TMEM135: variants seen among roughly 807,000 people sequenced by gnomAD.
TMEM135 encodes peroxisomal membrane protein 52.
A neutral mutation model predicts 60.3 loss-of-function variants in TMEM135; 30 were observed. The observed-to-expected ratio is 0.50, with a 90% CI of 0.37 to 0.68. The LOEUF is 0.68. TMEM135 is among the 30% of genes least tolerant of loss of function. The probability of loss-of-function intolerance (pLI) is 0.00; values close to 1 mark genes in which losing one functional copy is unlikely to be tolerated. For synonymous variants in TMEM135, 190 were observed against 186.7 expected, an observed-to-expected ratio of 1.02 and a Z score of -0.14; for missense variants, 468 against 548.8, an observed-to-expected ratio of 0.85 and a Z score of 1.47.
At chr11:87,266,536 T>C (rs963466842) in intron 6 of TMEM135, among the ~76,000 whole-genome samples, 2 of 152,198 alleles carry the variant, frequency 1.3e-5, no homozygotes, top group African/African-American at 4.8e-5. Flanking sequence ...AAGGATTGGT[T>C]CTAGTCTCCC....
rs770897413 is a variant in TMEM135, at chr11:87,120,110, C to CTTTTTTT, written c.396+28717_396+28718insTTTTTTT. On this transcript the variant is annotated intron_variant, in intron 4 of 14. Transcript: ENST00000305494. ...GAACTTATTAGTCTGTTTTTTTCTT[C>CTTTTTTT]TTCTTCTTTTTTTTTTTTTTTTGAG... 3.1e-3 allele frequency among the ~76,000 whole-genome samples: 401 copies of CTTTTTTT among 130,838 alleles called. 16 individuals are homozygous for CTTTTTTT. Among genetic ancestry groups the CTTTTTTT allele is most frequent in the African/African-American group, 7.4e-3 (259 of 35,158 alleles). The allele number at this position is 130,838 out of a possible 152,430, so 85.8% of individuals were successfully genotyped here.
At chr11:87,307,428 AC>A (rs1464850938) in intron 9 of TMEM135, among the ~76,000 whole-genome samples, 2 of 152,066 alleles carry the variant, frequency 1.3e-5, no homozygotes, top group Admixed American at 6.6e-5. Context: ...TCAGCTGATA[AC>A]CTGGATTTAT....
At chr11:87,073,466 G>C (rs1326496151) in intron 3 of TMEM135, among the ~76,000 whole-genome samples, 1 of 152,170 alleles carries the variant, frequency 6.6e-6, no homozygotes, top group African/African-American at 2.4e-5. Context: ...AAGGATTGGT[G>C]AATGTTATAA....
At chr11:87,133,985 C>T (rs993757710) in intron 4 of TMEM135, among the ~76,000 whole-genome samples, 1 of 151,342 alleles carries the variant, frequency 6.6e-6, no homozygotes, top group African/African-American at 2.4e-5. Flanking sequence ...CTACAGAATT[C>T]ACATACAAGT....
At chr11:87,171,494 G>C (rs1939235810) in intron 5 of TMEM135, among the ~76,000 whole-genome samples, 1 of 152,062 alleles carries the variant, frequency 6.6e-6, no homozygotes, top group Non-Finnish European at 1.5e-5. Flanking sequence ...TATATGTTAA[G>C]CAGGGATTCA....
At chr11:87,138,240 G>A (rs1398644859) in intron 4 of TMEM135, among the ~76,000 whole-genome samples, 5 of 151,766 alleles carry the variant, frequency 3.3e-5, no homozygotes, top group Non-Finnish European at 5.9e-5. Context: ...ACAGGTGCCC[G>A]CCACCACACC....
intron 6 of TMEM135, among the ~76,000 whole-genome samples, chr11:87,247,728 G>C (rs1941318633): frequency 1.3e-5 from 2 of 152,146 alleles, no homozygotes; most frequent in Admixed American, 6.5e-5. Flanking sequence ...ATTAGGGTGG[G>C]AGTGACCCGA....
At chr11:87,266,913 A>G (rs1455174315) in intron 6 of TMEM135, among the ~76,000 whole-genome samples, 1 of 152,220 alleles carries the variant, frequency 6.6e-6, no homozygotes, top group Non-Finnish European at 1.5e-5. Context: ...CTAGCAGTAC[A>G]TAGTTGCCTC....
intron 5 of TMEM135, among the ~76,000 whole-genome samples, chr11:87,161,244 T>C (rs2135273314): frequency 6.6e-6 from 1 of 152,266 alleles, no homozygotes; most frequent in East Asian, 1.9e-4. Context: ...GGGCTAACTT[T>C]TAAAATAATC....
intron 5 of TMEM135, among the ~76,000 whole-genome samples, chr11:87,202,607 A>G (rs1222518781): frequency 6.6e-6 from 1 of 152,168 alleles, no homozygotes; most frequent in Admixed American, 6.5e-5. Flanking sequence ...GGCAAATCAT[A>G]TGTGTGTATG....
chr11:87,189,775 A>AT (rs1565480013), intron 5 of TMEM135, among the ~76,000 whole-genome samples: 6 of 150,712 alleles, frequency 4.0e-5, no homozygotes, highest in East Asian at 2.0e-4. Context: ...AAAAAAAAAA[A>AT]TTGACCGGGC....
At chr11:87,126,530 A>C (rs1465126040) in intron 4 of TMEM135, among the ~76,000 whole-genome samples, 1 of 151,716 alleles carries the variant, frequency 6.6e-6, no homozygotes, top group African/African-American at 2.4e-5. Context: ...TTGGAAGGAA[A>C]TTTAGTTCTC....
chr11:87,050,530 C>G (rs1428168740), intron 1 of TMEM135, among the ~76,000 whole-genome samples: 1 of 55,568 alleles, frequency 1.8e-5, no homozygotes, highest in Non-Finnish European at 2.9e-5. Context: ...GAGAATACTA[C>G]AAACACCTCT....
intron 5 of TMEM135, among the ~76,000 whole-genome samples, chr11:87,189,790 G>A (rs1939753790): frequency 7.2e-6 from 1 of 138,128 alleles, no homozygotes; most frequent in Admixed American, 7.2e-5. Flanking sequence ...CCGGGCATGT[G>A]CCTGTAGTCC....
rs188854978 is a variant in TMEM135 at position 87,261,329 on chromosome 11, A to G, written c.509+24645A>G. 4.9e-3 allele frequency among the ~76,000 whole-genome samples: 753 copies of G among 152,256 alleles called. 12 individuals carry two copies. The highest frequency in any genetic ancestry group is 2.5e-3 in the Non-Finnish European group (172 of 68,008). ...TGATTTATTACCCAGTTTTAACTAC[A>G]AATCTTCTATGTGGGTTAGAAATCA... On this transcript the variant is annotated intron_variant, in intron 6 of 14. Transcript: ENST00000305494.
At chr11:87,254,882 T>C (rs1162467725) in intron 6 of TMEM135, among the ~76,000 whole-genome samples, 1 of 152,082 alleles carries the variant, frequency 6.6e-6, no homozygotes, top group Non-Finnish European at 1.5e-5. Flanking sequence ...AGCTCATTCC[T>C]GTAATTCCAG....
In TMEM135 at chr11:87,282,513, G is replaced by A. The variant is rs1013741245; in HGVS notation, c.510-13269G>A. ...CTCCTGACTCTCAGGTGATCCACTC[G>A]CCTCGACCTCCCAAAGTGCTGGGAT... On this transcript the variant is annotated intron_variant, in intron 6 of 14. Transcript: ENST00000305494. Among the ~76,000 whole-genome samples, 2 of 152,118 alleles carry A rather than the reference G, an allele frequency of 1.3e-5. 1 individual carries two copies. The highest frequency in any genetic ancestry group is 4.1e-4 in the South Asian group (2 of 4,830).
intron 4 of TMEM135, among the ~76,000 whole-genome samples, chr11:87,145,846 G>C (rs1031350624): frequency 3.9e-5 from 6 of 151,938 alleles, no homozygotes; most frequent in African/African-American, 1.4e-4. Flanking sequence ...TTATTGGATG[G>C]ATGGTTTGCA....
intron 1 of TMEM135, among the ~76,000 whole-genome samples, chr11:87,067,179 A>G (rs991140088): frequency 6.8e-6 from 1 of 147,518 alleles, no homozygotes; most frequent in African/African-American, 2.5e-5. Context: ...ATATATATAT[A>G]CACACACTAT....
Sources: allele counts gnomAD v4.1 joint callset (sites outside exome capture counted in the v4.1 genomes callset), GRCh38; gene constraint gnomAD v4.1.1; transcripts MANE v1.5; gene names NCBI Gene and HGNC (gene_info 2026-07-23, HGNC 2026-07-21).